NEMP1: variants seen among roughly 807,000 people sequenced by gnomAD.
The protein encoded by NEMP1 is nuclear envelope integral membrane protein 1.
In NEMP1, 29 loss-of-function variants were observed where a neutral mutation model predicts 53.7. The observed-to-expected ratio is 0.54, with a 90% confidence interval of 0.40 to 0.74. The LOEUF is 0.74. NEMP1 is among the 30% of genes least tolerant of loss of function. NEMP1 has a pLI of 0.00. For synonymous variants in NEMP1, 193 were observed against 192.9 expected (o/e 1.00, Z 0.00); for missense variants, 477 against 528.6 (o/e 0.90, Z 0.96).
At chr12:57,070,636 A>G in intron 3 of NEMP1, 38 bp downstream of exon 3, 1 of 1,508,000 alleles carries the variant, frequency 6.6e-7, no homozygotes, top group Non-Finnish European at 9.0e-7. Flanking sequence ...AGTCCTTATC[A>G]CTACAGAATC....
In NEMP1 at chr12:57,057,973, T is replaced by TA. The variant is rs1430651443; in HGVS notation, c.*1905dup. 2 of 152,146 alleles carry TA rather than the reference T, an allele frequency of 1.3e-5. No homozygotes were observed. 9.4% of individuals were successfully genotyped at this position (152,146 alleles called of 1,614,324 possible). Reference sequence around the variant, plus strand: ...TAGGTCTCAATTTCTATAAATAAGGTAAAAAATAGTATATTTCAGAAGTTT... The same window carrying TA: ...TAGGTCTCAATTTCTATAAATAAGGTAAAAAAATAGTATATTTCAGAAGTTT... On this transcript the variant is annotated 3_prime_UTR_variant, in exon 9 of 9. Transcript: ENST00000300128.
At chr12:57,079,444 C>G (rs1411358097), upstream of NEMP1, among the ~76,000 whole-genome samples, 1 of 152,150 alleles carries the variant, frequency 6.6e-6, no homozygotes, top group East Asian at 1.9e-4. Flanking sequence ...ATATAATTCT[C>G]TCCATTTAAG....
At chr12:57,060,087 G>A in intron 8 of NEMP1, 28 bp from the exon 9 acceptor site, 2 of 1,604,542 alleles carry the variant, frequency 1.2e-6, no homozygotes, top group Non-Finnish European at 1.7e-6. Flanking sequence ...ATACTCGTTA[G>A]AAATATCCTT....
chr12:57,081,204 C>G (rs1051386263), upstream of NEMP1, among the ~76,000 whole-genome samples: 3 of 152,148 alleles, frequency 2.0e-5, no homozygotes, highest in African/African-American at 7.2e-5. Flanking sequence ...ACCAGTACTC[C>G]TCAAAGCTGT....
Position 57,063,329 on chromosome 12 carries a change from A to C in NEMP1, c.770T>G (p.Val257Gly). Residue 257 changes from valine (V) to glycine (G), a missense_variant, in exon 7 of 9, where the codon GTT becomes GGT. Coordinates refer to ENST00000300128, the MANE Select transcript of NEMP1 (RefSeq NM_001130963.2). ...ACATACTGCAAAACTCATGAATCCA[A>C]CTGTGAGGACATAACCTATGAGAAG... ...WQYLLSYVLT[V>G]GFMSFAVCYK... 6.2e-7 allele frequency: 1 copy of C among 1,614,114 alleles called. No individual in the cohort carries two copies. The highest frequency in any genetic ancestry group is 8.5e-7 in the Non-Finnish European group (1 of 1,179,932).
chr12:57,063,491 A>C, intron 6 of NEMP1, 147 bp from the exon 7 acceptor site: 1 of 676,684 alleles, frequency 1.5e-6, no homozygotes, highest in Non-Finnish European at 2.5e-6. Flanking sequence ...TTTTTCTTAG[A>C]ATATATTTCT....
At chr12:57,067,185 G>A (rs369310811) in intron 4 of NEMP1, among the ~76,000 whole-genome samples, 2 of 152,176 alleles carry the variant, frequency 1.3e-5, no homozygotes, top group East Asian at 1.9e-4. Context: ...TTAGCTGCAC[G>A]TGGTGGCAGG....
intron 1 of NEMP1, 106 bp downstream of exon 1, chr12:57,078,513 C>T (rs1200048247): frequency 1.4e-6 from 2 of 1,434,386 alleles, no homozygotes; most frequent in Admixed American, 2.3e-5. Flanking sequence ...CTCGGTAGAG[C>T]CACCGCCCTT....
chr12:57,063,970 T>G, intron 6 of NEMP1, 101 bp downstream of exon 6: 1 of 645,858 alleles, frequency 1.5e-6, no homozygotes, highest in Middle Eastern at 2.8e-4. Context: ...AAAAATGACA[T>G]GAACTATTAA....
At chr12:57,086,125 CG>C (rs1410002520) in intron 1 of NEMP1, among the ~76,000 whole-genome samples, 2 of 152,094 alleles carry the variant, frequency 1.3e-5, no homozygotes, top group Non-Finnish European at 2.9e-5. Context: ...CTGAGTGAGT[CG>C]GATCTGGCCC....
chr12:57,062,619 T>C (rs1030179122), intron 7 of NEMP1, among the ~76,000 whole-genome samples: 3 of 152,068 alleles, frequency 2.0e-5, no homozygotes, highest in Non-Finnish European at 1.5e-5. Flanking sequence ...CAGCACTTTA[T>C]GAACTCCTGA....
At chr12:57,071,456 C>T (rs2032342410) in intron 2 of NEMP1, among the ~76,000 whole-genome samples, 2 of 152,024 alleles carry the variant, frequency 1.3e-5, no homozygotes, top group Admixed American at 6.6e-5. Context: ...CAGCTCACTG[C>T]AACCGCCACC....
At chr12:57,083,132 A>G (rs912826491), upstream of NEMP1, among the ~76,000 whole-genome samples, 4 of 151,924 alleles carry the variant, frequency 2.6e-5, no homozygotes, top group East Asian at 7.7e-4. Flanking sequence ...ATTTTTTTTT[A>G]TCAGGCCCCA....
intron 1 of NEMP1, among the ~76,000 whole-genome samples, chr12:57,078,388 G>A (rs1165079382): frequency 3.3e-5 from 5 of 152,006 alleles, no homozygotes; most frequent in Non-Finnish European, 7.4e-5. Flanking sequence ...TCCGCCAAAA[G>A]GCTTCAGGCT....
chr12:57,073,056 AGAAG>A, intron 1 of NEMP1, 144 bp from the exon 2 acceptor site: 2 of 616,558 alleles, frequency 3.2e-6, no homozygotes, highest in South Asian at 3.3e-5. Context: ...AAAACTGAGA[AGAAG>A]GAAGAACTAA....
At chr12:57,088,259 C>T (rs146387928), upstream of NEMP1, among the ~76,000 whole-genome samples, 539 of 152,302 alleles carry the variant, frequency 3.5e-3, no homozygotes, top group Middle Eastern at 0.017. Context: ...ACACGCGCAC[C>T]TAAGTGGTGG....
intron 1 of NEMP1, among the ~76,000 whole-genome samples, chr12:57,074,388 T>C (rs2032503703): frequency 6.6e-6 from 1 of 151,398 alleles, no homozygotes; most frequent in South Asian, 2.1e-4. Flanking sequence ...GCCTCCCAGG[T>C]TCCAGCGATT....
rs1264914892 is a variant in NEMP1 at position 57,063,103 on chromosome 12, A to G, written c.980+16T>C. On this transcript the variant is annotated intron_variant, in intron 7 of 8. Coordinates refer to ENST00000300128, the MANE Select transcript of NEMP1 (RefSeq NM_001130963.2). ...AATGTACCTGTCAATATTAAGTTAC[A>G]TTGCCTTTCAGTCACCTGCAGGTGA... The G allele has an allele frequency of 6.3e-7, 1 of 1,589,674 alleles. No individual in the cohort carries two copies. The highest frequency in any genetic ancestry group is 1.3e-5 in the African/African-American group (1 of 74,342).
upstream of NEMP1, among the ~76,000 whole-genome samples, chr12:57,079,899 T>A (rs146833372): frequency 6.6e-6 from 1 of 152,158 alleles, no homozygotes; most frequent in Non-Finnish European, 1.5e-5. Flanking sequence ...GCTTCCTAGA[T>A]AGGTTGGGCT....
Sources: gnomAD v4.1 joint callset for allele counts (sites outside exome capture counted in the v4.1 genomes callset) on GRCh38, gnomAD v4.1.1 for gene constraint, MANE v1.5 for transcripts, NCBI Gene and HGNC (gene_info 2026-07-23, HGNC 2026-07-21) for gene names.